Variants in PKHD1 observed in about 807,000 individuals in gnomAD.
PKHD1 encodes fibrocystin.
Under a neutral mutation model 412.0 loss-of-function variants are expected in PKHD1, and 291 were observed. The ratio of observed to expected loss-of-function variants is 0.71; its 90% CI spans 0.64 to 0.78. The LOEUF (loss-of-function observed/expected upper bound fraction) is 0.78. PKHD1 is among the 30% of genes least tolerant of loss of function. The pLI, the probability that PKHD1 is intolerant of heterozygous loss-of-function variation, is 0.00. For synonymous variants in PKHD1, 1,777 were observed against 1,821.5 expected (o/e 0.98, Z 0.62); for missense variants, 4,825 against 4,950.7 (o/e 0.97, Z 0.76).
In PKHD1 at chr6:51,871,952, CT is replaced by C. The variant is rs1776035243; in HGVS notation, c.7351-1314del. Among the ~76,000 whole-genome samples, 2 of 55,090 alleles carry C rather than the reference CT, an allele frequency of 3.6e-5. 1 individual carries two copies. The highest frequency in any genetic ancestry group is 1.3e-4 in the Non-Finnish European group (2 of 15,326). The allele number at this position is 55,090 out of a possible 152,430, so 36.1% of individuals were successfully genotyped here. A position where few individuals can be genotyped will look rare whatever the true frequency, so the allele number is the denominator to read the frequency against. On this transcript the variant is annotated intron_variant, in intron 46 of 66. Transcript: ENST00000371117. ...GAAAACAAAAACTATAATTAATGGCCTTGGAGAAATAAGTATATTATATCCA... is the reference window on the plus strand; with the variant it reads ...GAAAACAAAAACTATAATTAATGGCCTGGAGAAATAAGTATATTATATCCA...
intron 35 of PKHD1, among the ~76,000 whole-genome samples, chr6:51,967,937 G>A (rs760981134): frequency 1.3e-5 from 2 of 152,234 alleles, no homozygotes; most frequent in East Asian, 3.9e-4. Flanking sequence ...ACTTAATTTC[G>A]GTGATTGAAT....
chr6:51,959,882 G>GT lies in PKHD1; in HGVS notation c.5895dup (p.Leu1966ThrfsTer4), dbSNP rs746838237. On this transcript the variant is annotated frameshift_variant, in exon 36 of 67. Transcript: ENST00000371117. LOFTEE classifies it high-confidence loss of function. The stretch of plus-strand genomic sequence containing the variant: ...AAACTTCACACACCTTTAATGTGCA[G>GT]TAAGTTGAGGATGCTTGTGTTAGTG... 1.4e-4 allele frequency: 229 copies of GT among 1,612,894 alleles called. No homozygotes were observed. Among genetic ancestry groups the GT allele is most frequent in the Non-Finnish European group, 1.7e-4 (205 of 1,179,258 alleles).
intron 35 of PKHD1, among the ~76,000 whole-genome samples, chr6:51,981,508 G>A (rs574204044): frequency 3.3e-5 from 5 of 151,722 alleles, no homozygotes; most frequent in Admixed American, 6.6e-5. Flanking sequence ...TGGTGGAGAC[G>A]GGGTTTTGCT....
intron 49 of PKHD1, among the ~76,000 whole-genome samples, chr6:51,850,179 G>A (rs1771937422): frequency 6.6e-6 from 1 of 152,138 alleles, no homozygotes. Context: ...GTTTTTATGA[G>A]GTTTGTCAAC....
chr6:51,706,208 G>C (rs1273068015), intron 60 of PKHD1, among the ~76,000 whole-genome samples: 1 of 152,034 alleles, frequency 6.6e-6, no homozygotes, highest in Non-Finnish European at 1.5e-5. Flanking sequence ...TGTTGTGTCT[G>C]CTGCTGTCTC....
chr6:51,780,528 A>T (rs1791820623), intron 53 of PKHD1, among the ~76,000 whole-genome samples: 1 of 152,132 alleles, frequency 6.6e-6, no homozygotes, highest in African/African-American at 2.4e-5. Flanking sequence ...ATTCATCATT[A>T]AAAAAGAGTA....
intron 37 of PKHD1, among the ~76,000 whole-genome samples, chr6:51,925,457 G>GTGTGTGTGTGTA (rs1554140257): frequency 3.9e-5 from 5 of 128,930 alleles, no homozygotes; most frequent in African/African-American, 1.1e-4. Context: ...GTGTGTGTAT[G>GTGTGTGTGTGTA]TGTGTGTGTG....
At chr6:51,962,531 C>T (rs1208237323) in intron 35 of PKHD1, among the ~76,000 whole-genome samples, 1 of 152,112 alleles carries the variant, frequency 6.6e-6, no homozygotes, top group African/African-American at 2.4e-5. Context: ...GATTGCTATA[C>T]TTGGTCCCAA....
At chr6:51,766,960 A>G (rs1450069399) in intron 55 of PKHD1, among the ~76,000 whole-genome samples, 1 of 151,682 alleles carries the variant, frequency 6.6e-6, no homozygotes, top group Non-Finnish European at 1.5e-5. Flanking sequence ...GTTTACTTAA[A>G]TTTTCTTCAA....
At chr6:51,744,339 A>C in intron 60 of PKHD1, 46 bp downstream of exon 60, 1 of 1,561,646 alleles carries the variant, frequency 6.4e-7, no homozygotes, top group South Asian at 1.1e-5. Context: ...CTCCTTCACA[A>C]GCACCCTTGC....
At chr6:51,716,711 C>T (rs1240812691) in intron 60 of PKHD1, among the ~76,000 whole-genome samples, 2 of 151,904 alleles carry the variant, frequency 1.3e-5, no homozygotes, top group African/African-American at 2.4e-5. Context: ...GGTGTAACAG[C>T]CAAAGAGAAT....
At chr6:51,693,856 C>G (rs910418940) in intron 60 of PKHD1, among the ~76,000 whole-genome samples, 3 of 152,266 alleles carry the variant, frequency 2.0e-5, no homozygotes, top group Non-Finnish European at 2.9e-5. Context: ...AAAGGTATTA[C>G]TATTACTCCC....
At chr6:51,925,683 T>C (rs1358037690) in intron 37 of PKHD1, among the ~76,000 whole-genome samples, 1 of 152,204 alleles carries the variant, frequency 6.6e-6, no homozygotes, top group Non-Finnish European at 1.5e-5. Context: ...GATATCCAGC[T>C]TGCTGGCCTT....
At chr6:51,766,408 T>C (rs201260543) in intron 55 of PKHD1, among the ~76,000 whole-genome samples, 1 of 152,274 alleles carries the variant, frequency 6.6e-6, no homozygotes, top group African/African-American at 2.4e-5. Context: ...CATGTGAATG[T>C]GAGCCTCTGC....
intron 29 of PKHD1, among the ~76,000 whole-genome samples, chr6:52,032,578 A>G (rs1458733444): frequency 1.3e-5 from 2 of 152,234 alleles, no homozygotes; most frequent in Admixed American, 1.3e-4. Flanking sequence ...CTACAAGTAG[A>G]TAAGTACTTG....
At chr6:51,872,210 T>A (rs9367464) in intron 46 of PKHD1, among the ~76,000 whole-genome samples, 61,912 of 151,736 alleles carry the variant, frequency 0.41, 13,811 homozygotes, top group East Asian at 0.85. Context: ...AATTGAAGAA[T>A]ACTGTGCAGA....
Position 52,025,018 on chromosome 6 carries a change from G to A in PKHD1, c.4792C>T (p.Leu1598=). 8 of 1,614,146 alleles carry A rather than the reference G, an allele frequency of 5.0e-6. No individual in the cohort carries two copies. The highest frequency in any genetic ancestry group is 6.8e-6 in the Non-Finnish European group (8 of 1,180,014). The change falls in exon 32 of 67, where the codon CTG becomes TTG. Residue 1598 remains leucine (L), a synonymous_variant. Transcript: ENST00000371117. ...ACTGACGTGGTGTTCTGTCCTCTCA[G>A]GCCTGTGCCCTCTATGGTCAAGAGG... ...GSLLTIEGTG[L]RGQNTTSVYI...
At chr6:51,749,413 AAC>A (rs1374293892) in intron 57 of PKHD1, among the ~76,000 whole-genome samples, 1 of 152,146 alleles carries the variant, frequency 6.6e-6, no homozygotes, top group African/African-American at 2.4e-5. Context: ...ATATTGTTAA[AAC>A]ACACTATAAA....
intron 53 of PKHD1, among the ~76,000 whole-genome samples, chr6:51,785,213 T>C (rs111769878): frequency 1.9e-4 from 29 of 152,142 alleles, no homozygotes; most frequent in African/African-American, 7.0e-4. Context: ...AAAATCACCA[T>C]ATCAGAGGAA....
Sources: gnomAD v4.1 joint callset for allele counts (sites outside exome capture counted in the v4.1 genomes callset) on GRCh38, gnomAD v4.1.1 for gene constraint, MANE v1.5 for transcripts, NCBI Gene and HGNC (gene_info 2026-07-23, HGNC 2026-07-21) for gene names.